The following PSG3 variants were observed in gnomAD, a reference collection of about 807,000 sequenced individuals.
The protein encoded by PSG3 is pregnancy specific beta-1-glycoprotein 3.
A neutral mutation model predicts 47.5 loss-of-function variants in PSG3; 61 were observed. That is an observed-to-expected ratio of 1.28 (90% CI 1.05 to 1.59). PSG3 has a LOEUF of 1.59. PSG3 is among the 40% of genes most tolerant of loss of function. The pLI is 0.00. For synonymous variants in PSG3, 263 were observed against 198.4 expected, an observed-to-expected ratio of 1.33 and a Z score of -2.74; for missense variants, 756 against 524.0, an observed-to-expected ratio of 1.44 and a Z score of -4.32.
intron 4 of PSG3, among the ~76,000 whole-genome samples, 188 bp downstream of exon 4, chr19:42,729,590 C>A (rs537097598): frequency 9.9e-5 from 15 of 152,270 alleles, no homozygotes; most frequent in African/African-American, 2.9e-4. Flanking sequence ...AAGAGCGTCC[C>A]CTCCCCTTAT....
At chr19:42,723,135 C>G (rs1249443843) in intron 6 of PSG3, among the ~76,000 whole-genome samples, 1 of 152,138 alleles carries the variant, frequency 6.6e-6, no homozygotes, top group Non-Finnish European at 1.5e-5. Flanking sequence ...ATTTCTGTAT[C>G]TTTTTTAAAC....
chr19:42,737,660 A>G (rs1336280561), intron 2 of PSG3, among the ~76,000 whole-genome samples: 1 of 152,208 alleles, frequency 6.6e-6, no homozygotes, highest in Non-Finnish European at 1.5e-5. Flanking sequence ...ATTTGAGCCA[A>G]TAAATGACTA....
At position 42,721,739 on chromosome 19, in the gene PSG3, A is replaced by G. The variant is rs971420397; in HGVS notation, c.*392T>C. ...TTAGGGAGCAAAAGCAAATGTTTCA[A>G]TTTTTGTTTACAAAAGTATACTTTA... On this transcript the variant is annotated 3_prime_UTR_variant, in exon 7 of 7. Transcript: ENST00000327495. 8 of 391,240 alleles carry G rather than the reference A, an allele frequency of 2.0e-5. No individual in the cohort carries two copies. The highest frequency in any genetic ancestry group is 1.4e-4 in the African/African-American group (7 of 48,382). 24.2% of individuals were successfully genotyped at this position (391,240 alleles called of 1,614,324 possible).
chr19:42,738,235 T>C (rs375176517), intron 2 of PSG3, among the ~76,000 whole-genome samples: 1 of 152,206 alleles, frequency 6.6e-6, no homozygotes, highest in East Asian at 1.9e-4. Flanking sequence ...TGACAGCTGG[T>C]AAATCCTTGG....
chr19:42,724,099 T>C, intron 5 of PSG3, 74 bp from the exon 6 acceptor site: 1 of 1,520,520 alleles, frequency 6.6e-7, no homozygotes, highest in Non-Finnish European at 9.1e-7. Flanking sequence ...GGAACAAGCA[T>C]GTAACATGAG....
intron 6 of PSG3, among the ~76,000 whole-genome samples, chr19:42,722,793 C>T (rs932125010): frequency 2.0e-4 from 30 of 152,196 alleles, no homozygotes; most frequent in Non-Finnish European, 3.5e-4. Flanking sequence ...TCCAGTACTT[C>T]CAGCTGAACA....
intron 5 of PSG3, among the ~76,000 whole-genome samples, chr19:42,725,439 T>C (rs367737630): frequency 2.1e-4 from 32 of 151,856 alleles, no homozygotes; most frequent in East Asian, 5.8e-4. Context: ...AAATGGAGAA[T>C]GGAAAAAGAA....
chr19:42,730,139 C>G (rs1315279192), intron 3 of PSG3, 83 bp from the exon 4 acceptor site: 1 of 1,579,410 alleles, frequency 6.3e-7, no homozygotes, highest in Non-Finnish European at 8.6e-7. Context: ...GTTGGCATCT[C>G]CCACCTCTCA....
chr19:42,740,321 C>A lies in PSG3; in HGVS notation c.64G>T (p.Ala22Ser). The A allele has an allele frequency of 6.2e-7, 1 of 1,613,944 alleles. No individual in the cohort carries two copies. Among genetic ancestry groups the A allele is most frequent in the Admixed American group, 1.7e-5 (1 of 60,022 alleles). Residue 22 changes from alanine (A) to serine (S), a missense_variant and splice_region_variant, in exon 1 of 7, where the codon GCA becomes TCA. Physicochemically the swap from Ala to Ser is moderately conservative, Grantham distance 99. Transcript: ENST00000327495. The part of the protein sequence containing the change: ...RITWKGLLLT[A>S]LLLNFWNLPT... Reference sequence around the variant, plus strand: ...CTCTCCCAGGAAGTTCTCTCCTCACCTGTGAGCAGGAGCCCCTTCCAGGTG... The same window carrying A: ...CTCTCCCAGGAAGTTCTCTCCTCACATGTGAGCAGGAGCCCCTTCCAGGTG...
At chr19:42,735,701 G>C (rs1969552287) in intron 2 of PSG3, among the ~76,000 whole-genome samples, 1 of 152,230 alleles carries the variant, frequency 6.6e-6, no homozygotes, top group Non-Finnish European at 1.5e-5. Context: ...TTTTGAGTTT[G>C]TTCAGCTTTT....
chr19:42,736,627 T>C (rs1473612993), intron 2 of PSG3, among the ~76,000 whole-genome samples: 15 of 150,764 alleles, frequency 9.9e-5, no homozygotes, highest in Non-Finnish European at 1.8e-4. Context: ...TGTGTGTGTG[T>C]GTGTGTGTGT....
intron 2 of PSG3, chr19:42,733,917 T>C (rs1229701008): frequency 6.6e-6 from 1 of 152,128 alleles, no homozygotes; most frequent in East Asian, 1.9e-4. Context: ...GAACAGATGA[T>C]GGAAGTCTGG....
At position 42,724,006 on chromosome 19, in the gene PSG3, ATGTCCTG is replaced by A. The variant is rs1449859993; in HGVS notation, c.1256_1262del (p.Thr419IlefsTer52). On this transcript the variant is annotated frameshift_variant, in exon 6 of 7. Coordinates refer to ENST00000327495, the MANE Select transcript of PSG3 (RefSeq NM_021016.4). LOFTEE classifies it high-confidence loss of function. ...GCTATAATGGATTAAGGCCAGGAAG[ATGTCCTG>A]TTCCTGAAGGAGCTGTCATGGAAAA... 1 of 1,611,986 alleles carries A rather than the reference ATGTCCTG, an allele frequency of 6.2e-7. No individual in the cohort carries two copies. Among genetic ancestry groups the A allele is most frequent in the Non-Finnish European group, 8.5e-7 (1 of 1,178,124 alleles).
intron 2 of PSG3, chr19:42,733,469 G>C (rs1969510754): frequency 4.8e-6 from 1 of 209,322 alleles, no homozygotes; most frequent in Admixed American, 5.2e-5. Flanking sequence ...TGTTTTCTCT[G>C]CAGCTTCCCT....
At chr19:42,725,971 A>G (rs1173373479) in intron 5 of PSG3, among the ~76,000 whole-genome samples, 3 of 151,936 alleles carry the variant, frequency 2.0e-5, no homozygotes, top group South Asian at 2.1e-4. Flanking sequence ...TGAAAGTACT[A>G]TAAATAATTG....
chr19:42,729,319 G>T lies in PSG3; in HGVS notation c.1047C>A (p.Asn349Lys), dbSNP rs1217520622. ...AGTCCGCGAAGCAGGACAAGTAGAG[G>T]TTTTCTCCTGAATGGTAATAGGTGA... ...PSFTYYHSGE[N>K]LYLSCFADSN... is the part of the protein sequence containing the mutation. Residue 349 changes from asparagine (N) to lysine (K), a missense_variant, in exon 5 of 7, where the codon AAC becomes AAA. Asn to Lys is a moderately conservative substitution (Grantham distance 94, BLOSUM62 0). Transcript: ENST00000327495. 43 of 1,614,030 alleles carry T rather than the reference G, an allele frequency of 2.7e-5. No individual in the cohort carries two copies. Among genetic ancestry groups the T allele is most frequent in the Non-Finnish European group, 3.4e-5 (40 of 1,179,978 alleles).
At chr19:42,725,959 T>C (rs1446508814) in intron 5 of PSG3, among the ~76,000 whole-genome samples, 1 of 149,450 alleles carries the variant, frequency 6.7e-6, no homozygotes, top group Non-Finnish European at 1.5e-5. Context: ...AACTAATGAT[T>C]ATGAAAGTAC....
chr19:42,731,540 A>G (rs1315050127), intron 3 of PSG3, among the ~76,000 whole-genome samples: 1 of 152,012 alleles, frequency 6.6e-6, no homozygotes. Flanking sequence ...GCTATTTTCT[A>G]TGTCATCAGA....
chr19:42,740,037 C>T (rs1252705163), intron 1 of PSG3, among the ~76,000 whole-genome samples: 1 of 151,472 alleles, frequency 6.6e-6, no homozygotes, highest in Non-Finnish European at 1.5e-5. Context: ...ACTGCAATTT[C>T]TTCCTCCCGG....
Sources: allele counts gnomAD v4.1 joint callset (sites outside exome capture counted in the v4.1 genomes callset), GRCh38; gene constraint gnomAD v4.1.1; transcripts MANE v1.5; gene names NCBI Gene and HGNC (gene_info 2026-07-23, HGNC 2026-07-21).